Variants in CIMIP2C observed in about 807,000 individuals in gnomAD.
CIMIP2C encodes the protein ciliary microtubule inner protein 2C.
chr2:26,569,216 C>A, the CIMIP2C span, among the ~76,000 whole-genome samples: 4 of 151,724 alleles, frequency 2.6e-5, no homozygotes, highest in Admixed American at 2.6e-4. Context: ...GAGAGCAGAG[C>A]CTTCTGGATG....
chr2:26,575,328 C>T, the CIMIP2C span, among the ~76,000 whole-genome samples: 1 of 152,222 alleles, frequency 6.6e-6, no homozygotes, highest in Admixed American at 6.5e-5. Context: ...ACCGGGCCCC[C>T]CACCCACTTC....
At chr2:26,573,729 C>T in the CIMIP2C span, among the ~76,000 whole-genome samples, 5 of 152,320 alleles carry the variant, frequency 3.3e-5, no homozygotes, top group African/African-American at 9.6e-5. Flanking sequence ...GCCAGGGTCA[C>T]GGTGTCAAGG....
At chr2:26,571,375 G>C in the CIMIP2C span, among the ~76,000 whole-genome samples, 1 of 152,194 alleles carries the variant, frequency 6.6e-6, no homozygotes, top group African/African-American at 2.4e-5. Flanking sequence ...TTCCCTCCTT[G>C]TGGTTGATAG....
the CIMIP2C span, among the ~76,000 whole-genome samples, chr2:26,563,999 G>A: frequency 7.2e-5 from 11 of 152,276 alleles, no homozygotes; most frequent in Admixed American, 2.0e-4. Context: ...GGATTTGCCC[G>A]TTTTCCTTTA....
At chr2:26,579,178 C>G in the CIMIP2C span, 1 of 1,240,066 alleles carries the variant, frequency 8.1e-7, no homozygotes, top group Non-Finnish European at 1.1e-6. Flanking sequence ...GTTAAACTGA[C>G]GAGTAGCCGG....
At chr2:26,575,972 T>C in the CIMIP2C span, 1 of 1,613,966 alleles carries the variant, frequency 6.2e-7, no homozygotes, top group African/African-American at 1.3e-5. Context: ...CCTCAAGTAC[T>C]TCCAGGACCA....
At chr2:26,566,052 C>A in the CIMIP2C span, among the ~76,000 whole-genome samples, 1 of 152,228 alleles carries the variant, frequency 6.6e-6, no homozygotes, top group Non-Finnish European at 1.5e-5. Flanking sequence ...AGGATCCAAG[C>A]TTCCTGCTTG....
At chr2:26,568,800 T>G in the CIMIP2C span, among the ~76,000 whole-genome samples, 1 of 152,236 alleles carries the variant, frequency 6.6e-6, no homozygotes, top group African/African-American at 2.4e-5. Context: ...GCAGGTGGAT[T>G]ACCTGAGGTC....
At chr2:26,566,959 C>T in the CIMIP2C span, among the ~76,000 whole-genome samples, 2 of 152,218 alleles carry the variant, frequency 1.3e-5, no homozygotes, top group African/African-American at 2.4e-5. Flanking sequence ...ATTTGCCTGC[C>T]TCAGCCTCCC....
the CIMIP2C span, among the ~76,000 whole-genome samples, chr2:26,576,977 A>G: frequency 6.6e-6 from 1 of 152,188 alleles, no homozygotes; most frequent in South Asian, 2.1e-4. Flanking sequence ...TGCAAGGACA[A>G]GGTGTGTCCT....
chr2:26,577,656 G>T, the CIMIP2C span: 5 of 1,577,744 alleles, frequency 3.2e-6, no homozygotes, highest in Non-Finnish European at 4.3e-6. Context: ...CTTCATCTAC[G>T]CAGTCAAGAA....
the CIMIP2C span, among the ~76,000 whole-genome samples, chr2:26,571,465 C>A: frequency 6.6e-6 from 1 of 152,206 alleles, no homozygotes; most frequent in Non-Finnish European, 1.5e-5. Flanking sequence ...CTGACACATG[C>A]ACCCCATGAC....
the CIMIP2C span, among the ~76,000 whole-genome samples, chr2:26,567,411 T>C: frequency 2.0e-5 from 3 of 152,230 alleles, no homozygotes; most frequent in Non-Finnish European, 4.4e-5. Flanking sequence ...TCACTGTAAG[T>C]TTCCTGAGAC....
the CIMIP2C span, among the ~76,000 whole-genome samples, chr2:26,575,430 G>T: frequency 3.3e-5 from 5 of 152,228 alleles, no homozygotes; most frequent in African/African-American, 1.2e-4. Flanking sequence ...GAGTAAATGC[G>T]GGCCCCTGGA....
At chr2:26,570,740 T>A in the CIMIP2C span, among the ~76,000 whole-genome samples, 1 of 152,218 alleles carries the variant, frequency 6.6e-6, no homozygotes. Context: ...GCACCTACAG[T>A]GCAGTGATGG....
the CIMIP2C span, chr2:26,575,912 C>T: frequency 6.2e-7 from 1 of 1,613,016 alleles, no homozygotes; most frequent in Non-Finnish European, 8.5e-7. Flanking sequence ...GTACCAGGGC[C>T]ACGTCCCCAC....
At chr2:26,562,950 C>A in the CIMIP2C span, 1 of 504,940 alleles carries the variant, frequency 2.0e-6, no homozygotes, top group Non-Finnish European at 3.5e-6. Flanking sequence ...CATAAGGGAC[C>A]TCGCATGGAT....
At chr2:26,579,120 T>C in the CIMIP2C span, 5 of 658,524 alleles carry the variant, frequency 7.6e-6, no homozygotes, top group Admixed American at 5.6e-5. Context: ...TGTGCCATTA[T>C]GTAAATACAG....
At chr2:26,565,404 A>G in the CIMIP2C span, among the ~76,000 whole-genome samples, 235 of 152,136 alleles carry the variant, frequency 1.5e-3, no homozygotes, top group Non-Finnish European at 2.5e-3. Context: ...TTTCTTTTTT[A>G]AAATCATCAC....
Sources: gnomAD v4.1 joint callset for allele counts (sites outside exome capture counted in the v4.1 genomes callset) on GRCh38, gnomAD v4.1.1 for gene constraint, MANE v1.5 for transcripts, NCBI Gene and HGNC (gene_info 2026-07-23, HGNC 2026-07-21) for gene names.